Variants in RORA observed in about 807,000 individuals in gnomAD.
The protein encoded by RORA is RAR related orphan receptor A.
In RORA, 7 loss-of-function variants were observed where a neutral mutation model predicts 69.5. The ratio of observed to expected loss-of-function variants is 0.10; its 90% CI spans 0.06 to 0.19. The LOEUF (loss-of-function observed/expected upper bound fraction) is 0.19. Among genes scored for constraint, RORA ranks in the 10% least tolerant of loss-of-function variants. The pLI is 1.00. For missense variants in RORA, 457 were observed against 663.0 expected (o/e 0.69, Z 3.41); for synonymous variants, 261 against 240.8 (o/e 1.08, Z -0.78).
At chr15:61,057,950 C>A (rs777441857) in intron 1 of RORA, among the ~76,000 whole-genome samples, 1 of 152,206 alleles carries the variant, frequency 6.6e-6, no homozygotes, top group Admixed American at 6.5e-5. Flanking sequence ...GGAGATTCAG[C>A]AAAAGATCCT....
chr15:61,106,932 C>T (rs2078956015), intron 1 of RORA, among the ~76,000 whole-genome samples: 1 of 152,158 alleles, frequency 6.6e-6, no homozygotes, highest in Admixed American at 6.6e-5. Flanking sequence ...GGGTCCTTCC[C>T]TCAGGCCTAT....
chr15:60,957,438 A>G (rs1893301323), intron 1 of RORA, among the ~76,000 whole-genome samples: 1 of 152,242 alleles, frequency 6.6e-6, no homozygotes, highest in Admixed American at 6.5e-5. Context: ...TGTTGTTCCA[A>G]CAGTTCTGTG....
intron 1 of RORA, among the ~76,000 whole-genome samples, chr15:61,046,597 C>T (rs1242872768): frequency 6.6e-6 from 1 of 152,108 alleles, no homozygotes; most frequent in Non-Finnish European, 1.5e-5. Flanking sequence ...ATCCCCAGGT[C>T]CCTATACCAA....
Position 60,944,660 on chromosome 15 carries a change from G to C in RORA, c.167-265974C>G, listed in dbSNP as rs1892810722. 2.0e-5 allele frequency among the ~76,000 whole-genome samples: 3 copies of C among 147,426 alleles called. No individual in the cohort carries two copies. The South Asian group carries it at 6.5e-4, about 32-fold the overall frequency. ...GGACTGCTTGAGCAAAAGGGGCAGA[G>C]GTTGCAGTGAGCTGAGATCATACCA... On this transcript the variant is annotated intron_variant, in intron 1 of 10. Coordinates refer to ENST00000335670, the MANE Select transcript of RORA (RefSeq NM_134261.3).
chr15:60,607,551 T>C (rs961846760), intron 2 of RORA, among the ~76,000 whole-genome samples: 1 of 152,218 alleles, frequency 6.6e-6, no homozygotes, highest in African/African-American at 2.4e-5. Flanking sequence ...TTCTGAAGCA[T>C]ACTGGAAAAA....
intron 1 of RORA, among the ~76,000 whole-genome samples, chr15:60,742,393 T>C (rs781683391): frequency 6.6e-6 from 1 of 152,224 alleles, no homozygotes; most frequent in Non-Finnish European, 1.5e-5. Context: ...GGTATGTGTC[T>C]ATGGTGTACA....
At position 61,204,164 on chromosome 15, in the gene RORA, A is replaced by C. The variant is rs536058224; in HGVS notation, c.166+24889T>G. On this transcript the variant is annotated intron_variant, in intron 1 of 10. Transcript: ENST00000335670. ...AATGATGTCAAATCCAGAGGAGAGA[A>C]GTCAAGGATAGCTTCTTGGAAGAGG... is the stretch of plus-strand genomic sequence containing the variant. Among the ~76,000 whole-genome samples the C allele has an allele frequency of 6.6e-5, 10 of 152,304 alleles. No homozygotes were observed. The South Asian group carries it at 2.1e-3, about 32-fold the overall frequency.
intron 1 of RORA, among the ~76,000 whole-genome samples, chr15:61,193,788 G>T (rs1376670120): frequency 1.3e-5 from 2 of 152,134 alleles, no homozygotes; most frequent in East Asian, 1.9e-4. Context: ...TTTTCTCAAG[G>T]TCACACGAAT....
At chr15:60,857,313 G>T (rs548061982) in intron 1 of RORA, among the ~76,000 whole-genome samples, 1 of 152,104 alleles carries the variant, frequency 6.6e-6, no homozygotes, top group African/African-American at 2.4e-5. Flanking sequence ...CTGAACCCCA[G>T]GGGGAGCTAC....
chr15:61,018,565 T>C (rs1195649769), intron 1 of RORA, among the ~76,000 whole-genome samples: 2 of 152,100 alleles, frequency 1.3e-5, no homozygotes, highest in Non-Finnish European at 2.9e-5. Context: ...TTTGGATTCA[T>C]AAATATTTAC....
intron 2 of RORA, among the ~76,000 whole-genome samples, chr15:60,607,329 C>T (rs1157546472): frequency 2.0e-5 from 3 of 152,154 alleles, no homozygotes; most frequent in Non-Finnish European, 2.9e-5. Flanking sequence ...CAGGGACTTA[C>T]ATAATATATT....
At chr15:60,672,468 T>C (rs2070487768) in intron 2 of RORA, among the ~76,000 whole-genome samples, 1 of 152,208 alleles carries the variant, frequency 6.6e-6, no homozygotes, top group Non-Finnish European at 1.5e-5. Context: ...CTCACAAAGT[T>C]GCAGTAAAGA....
intron 1 of RORA, among the ~76,000 whole-genome samples, chr15:61,211,711 C>A (rs2079993388): frequency 6.6e-6 from 1 of 152,200 alleles, no homozygotes; most frequent in Non-Finnish European, 1.5e-5. Flanking sequence ...CAGGGCAGAG[C>A]CCCCTCCCGC....
intron 1 of RORA, among the ~76,000 whole-genome samples, chr15:61,224,907 C>G (rs1180414249): frequency 6.6e-5 from 10 of 152,172 alleles, no homozygotes; most frequent in Non-Finnish European, 1.5e-4. Flanking sequence ...TCAATGCAGG[C>G]TCCATACTTC....
intron 1 of RORA, among the ~76,000 whole-genome samples, chr15:60,982,452 G>T (rs940113738): frequency 1.3e-5 from 2 of 152,154 alleles, no homozygotes; most frequent in African/African-American, 4.8e-5. Context: ...CATTGCCTTA[G>T]ACAGTAGAGA....
At chr15:60,688,255 A>G (rs1002802555) in intron 1 of RORA, among the ~76,000 whole-genome samples, 3 of 152,158 alleles carry the variant, frequency 2.0e-5, no homozygotes, top group African/African-American at 7.2e-5. Context: ...ATTTTGTCAA[A>G]AAAGGAAAAA....
At chr15:61,005,600 G>GTA (rs1229227997) in intron 1 of RORA, among the ~76,000 whole-genome samples, 8 of 152,052 alleles carry the variant, frequency 5.3e-5, no homozygotes, top group Admixed American at 5.2e-4. Flanking sequence ...TCTATAATAT[G>GTA]TATATATACA....
chr15:61,177,579 T>C (rs927689447), intron 1 of RORA, among the ~76,000 whole-genome samples: 8 of 152,210 alleles, frequency 5.3e-5, no homozygotes, highest in African/African-American at 1.9e-4. Context: ...CATTTGAGTG[T>C]TACAAATCTG....
At chr15:60,661,430 C>A (rs1326982370) in intron 2 of RORA, among the ~76,000 whole-genome samples, 1 of 152,046 alleles carries the variant, frequency 6.6e-6, no homozygotes, top group Non-Finnish European at 1.5e-5. Flanking sequence ...ATGGTAATAC[C>A]CAGGGCAGAC....
Sources: gnomAD v4.1 joint callset for allele counts (sites outside exome capture counted in the v4.1 genomes callset) on GRCh38, gnomAD v4.1.1 for gene constraint, MANE v1.5 for transcripts, NCBI Gene and HGNC (gene_info 2026-07-23, HGNC 2026-07-21) for gene names.